Variants in ZNF804B observed in about 807,000 individuals in gnomAD.
The protein encoded by ZNF804B is zinc finger 804B.
Under a neutral mutation model 101.4 loss-of-function variants are expected in ZNF804B, and 80 were observed. That is an observed-to-expected ratio of 0.79 (90% CI 0.66 to 0.95). ZNF804B has a LOEUF of 0.95. ZNF804B is among the 40% of genes least tolerant of loss of function. The probability of loss-of-function intolerance (pLI) is 0.00; values close to 1 mark genes in which losing one functional copy is unlikely to be tolerated. For synonymous variants in ZNF804B, 622 were observed against 558.8 expected, an observed-to-expected ratio of 1.11 and a Z score of -1.59; for missense variants, 1,673 against 1,561.9, an observed-to-expected ratio of 1.07 and a Z score of -1.20.
chr7:89,310,884 A>T (rs1790641642), intron 2 of ZNF804B, among the ~76,000 whole-genome samples: 1 of 152,210 alleles, frequency 6.6e-6, no homozygotes, highest in Non-Finnish European at 1.5e-5. Context: ...CAGAGCAGGT[A>T]ACAGCCTGCC....
At chr7:88,898,613 G>A (rs1308066962) in intron 1 of ZNF804B, among the ~76,000 whole-genome samples, 1 of 152,030 alleles carries the variant, frequency 6.6e-6, no homozygotes, top group Non-Finnish European at 1.5e-5. Context: ...ACAGTCTAGA[G>A]GACCCTCCCG....
intron 1 of ZNF804B, among the ~76,000 whole-genome samples, chr7:88,991,941 A>G (rs190522740): frequency 6.9e-4 from 105 of 152,270 alleles, no homozygotes; most frequent in East Asian, 5.0e-3. Flanking sequence ...AAAAATTACA[A>G]TATTGGCATT....
chr7:88,779,453 A>C (rs1171461533), intron 1 of ZNF804B, among the ~76,000 whole-genome samples: 3 of 152,144 alleles, frequency 2.0e-5, no homozygotes, highest in Non-Finnish European at 4.4e-5. Context: ...TTCTCTGTGA[A>C]GCTTCCATGG....
At chr7:89,139,088 C>A (rs920456958) in intron 1 of ZNF804B, among the ~76,000 whole-genome samples, 8 of 152,008 alleles carry the variant, frequency 5.3e-5, no homozygotes, top group African/African-American at 1.9e-4. Context: ...TACAATAAAG[C>A]AAATTTTGCA....
intron 1 of ZNF804B, among the ~76,000 whole-genome samples, chr7:88,881,086 T>A (rs1451483918): frequency 6.6e-6 from 1 of 152,064 alleles, no homozygotes; most frequent in Non-Finnish European, 1.5e-5. Flanking sequence ...ATGAATAATA[T>A]GTCTTCATCA....
intron 2 of ZNF804B, among the ~76,000 whole-genome samples, chr7:89,315,401 A>G (rs905677835): frequency 5.3e-5 from 8 of 152,144 alleles, no homozygotes; most frequent in Admixed American, 1.3e-4. Flanking sequence ...GTAGTTTTTG[A>G]AAAAGTTTAT....
At chr7:89,142,945 GT>G in intron 1 of ZNF804B, among the ~76,000 whole-genome samples, 1 of 152,070 alleles carries the variant, frequency 6.6e-6, no homozygotes, top group African/African-American at 2.4e-5. Flanking sequence ...TTGAAGCACT[GT>G]AATATACTCT....
intron 1 of ZNF804B, among the ~76,000 whole-genome samples, chr7:88,790,225 T>TATTTA (rs1039329385): frequency 2.6e-5 from 4 of 152,142 alleles, no homozygotes; most frequent in African/African-American, 9.7e-5. Flanking sequence ...TATGTACTCT[T>TATTTA]ATTTAAAATT....
chr7:88,947,736 A>G lies in ZNF804B; in HGVS notation c.108+187652A>G, dbSNP rs533663718. 2.6e-5 allele frequency among the ~76,000 whole-genome samples: 4 copies of G among 152,032 alleles called. No individual in the cohort carries two copies. In the South Asian group the frequency reaches 8.3e-4, roughly 32 times the overall value. ...TTGGGTTCCATCCCCAATAAATCTC[A>G]CTATGTATATGAAAATATTCAAAAA... On this transcript the variant is annotated intron_variant, in intron 1 of 3. Transcript: ENST00000333190.
At chr7:89,181,721 C>G (rs1261947151) in intron 1 of ZNF804B, among the ~76,000 whole-genome samples, 2 of 152,082 alleles carry the variant, frequency 1.3e-5, no homozygotes, top group African/African-American at 4.8e-5. Flanking sequence ...ATTTGCTATT[C>G]CTATAGGGGT....
chr7:89,162,792 C>T (rs1446351730), intron 1 of ZNF804B, among the ~76,000 whole-genome samples: 2 of 137,670 alleles, frequency 1.5e-5, no homozygotes, highest in Non-Finnish European at 3.2e-5. Flanking sequence ...CTCCCAATGC[C>T]ATCCCTCCCC....
chr7:88,828,658 CA>C (rs1791083565), intron 1 of ZNF804B, among the ~76,000 whole-genome samples: 1 of 151,968 alleles, frequency 6.6e-6, no homozygotes, highest in African/African-American at 2.4e-5. Flanking sequence ...GGTTTTCCTG[CA>C]ATAAAATTAT....
At chr7:88,958,532 G>A (rs1420780455) in intron 1 of ZNF804B, among the ~76,000 whole-genome samples, 1 of 151,420 alleles carries the variant, frequency 6.6e-6, no homozygotes, top group African/African-American at 2.4e-5. Context: ...TGTTGTCTTG[G>A]CATTTGCCTT....
intron 1 of ZNF804B, among the ~76,000 whole-genome samples, chr7:89,112,452 C>G (rs1790233527): frequency 6.6e-6 from 1 of 152,030 alleles, no homozygotes; most frequent in African/African-American, 2.4e-5. Context: ...TATTTCTGGG[C>G]TCTCTATTTT....
At chr7:89,242,675 A>C (rs1051435273) in intron 2 of ZNF804B, among the ~76,000 whole-genome samples, 2 of 151,822 alleles carry the variant, frequency 1.3e-5, no homozygotes, top group Non-Finnish European at 3.0e-5. Context: ...GATTTGACTC[A>C]ATTTCTGCTT....
intron 2 of ZNF804B, among the ~76,000 whole-genome samples, chr7:89,288,686 G>T (rs1790241541): frequency 6.6e-6 from 1 of 151,892 alleles, no homozygotes; most frequent in African/African-American, 2.4e-5. Context: ...TACATTTCAA[G>T]AAAACAAAAA....
chr7:89,068,969 T>G (rs1055572542), intron 1 of ZNF804B, among the ~76,000 whole-genome samples: 4 of 152,164 alleles, frequency 2.6e-5, no homozygotes, highest in African/African-American at 9.7e-5. Context: ...ATATCTGACT[T>G]CAGTTCCTTG....
chr7:88,874,091 C>T (rs190076564), intron 1 of ZNF804B, among the ~76,000 whole-genome samples: 2,342 of 152,240 alleles, frequency 0.015, 24 homozygotes, highest in Non-Finnish European at 0.021. Context: ...GTTGATTCTT[C>T]CTACCCATGA....
intron 2 of ZNF804B, among the ~76,000 whole-genome samples, chr7:89,288,663 T>C (rs2115890800): frequency 6.6e-6 from 1 of 152,310 alleles, no homozygotes; most frequent in South Asian, 2.1e-4. Context: ...TTCAAAAATA[T>C]TGTAAAAATA....
Sources: gnomAD v4.1 joint callset for allele counts (sites outside exome capture counted in the v4.1 genomes callset) on GRCh38, gnomAD v4.1.1 for gene constraint, MANE v1.5 for transcripts, NCBI Gene and HGNC (gene_info 2026-07-23, HGNC 2026-07-21) for gene names.